The following NMUR1 variants were observed in gnomAD, a reference collection of about 807,000 sequenced individuals.
NMUR1 encodes the protein neuromedin U receptor 1.
A neutral mutation model predicts 18.8 loss-of-function variants in NMUR1; 16 were observed. The observed-to-expected ratio is 0.85, with a 90% CI of 0.58 to 1.29. NMUR1 has a LOEUF of 1.29. Among genes scored for constraint, NMUR1 ranks in the 50% most tolerant of loss-of-function variants. NMUR1 has a pLI of 0.00. For missense variants in NMUR1, 529 were observed against 580.3 expected, an observed-to-expected ratio of 0.91 and a Z score of 0.91; for synonymous variants, 258 against 258.2, an observed-to-expected ratio of 1.00 and a Z score of 0.01.
chr2:231,521,791 T>A (rs1259201246), downstream of NMUR1, among the ~76,000 whole-genome samples: 1 of 152,208 alleles, frequency 6.6e-6, no homozygotes, highest in African/African-American at 2.4e-5. Flanking sequence ...AGCCCCAGCA[T>A]GACCGGTGTT....
At chr2:231,522,545 C>G (rs1277973765), downstream of NMUR1, among the ~76,000 whole-genome samples, 1 of 151,932 alleles carries the variant, frequency 6.6e-6, no homozygotes, top group Non-Finnish European at 1.5e-5. Flanking sequence ...CGGCTCTGCA[C>G]AGCTTTTCAC....
In NMUR1 at chr2:231,528,678, G is replaced by A. The variant is rs751298724; in HGVS notation, c.343C>T (p.Pro115Ser). 10 of 1,614,260 alleles carry A rather than the reference G, an allele frequency of 6.2e-6. No individual in the cohort carries two copies. The highest frequency in any genetic ancestry group is 7.6e-6 in the Non-Finnish European group (9 of 1,180,048). Residue 115 changes from proline to serine, a missense_variant, in exon 2 of 3, where the codon CCC (proline) becomes TCC (serine). Pro to Ser is a moderately conservative substitution (Grantham distance 74). Coordinates refer to ENST00000305141, the MANE Select transcript of NMUR1 (RefSeq NM_006056.5). ...SDLLVLLVGL[P>S]LELYEMWHNY... ...TGCCACATCTCATAGAGCTCCAGGG[G>A]CAGGCCCACCAGCAGCACCAGCAGG...
At chr2:231,518,874 C>T (rs542876451), downstream of NMUR1, among the ~76,000 whole-genome samples, 1 of 152,314 alleles carries the variant, frequency 6.6e-6, no homozygotes, top group East Asian at 1.9e-4. Flanking sequence ...AGGCTCTCCA[C>T]CTCCTCCCCT....
At position 231,525,258 on chromosome 2, in the gene NMUR1, A is replaced by G. The variant is rs748004750; in HGVS notation, c.1066T>C (p.Tyr356His). 7.4e-6 allele frequency: 12 copies of G among 1,614,172 alleles called. No individual in the cohort carries two copies. Among genetic ancestry groups the G allele is most frequent in the Non-Finnish European group, 9.3e-6 (11 of 1,180,032 alleles). Reference protein sequence around the residue: ...YLGSAANPVLYSLMSSRFRET... With the variant: ...YLGSAANPVLHSLMSSRFRET... ...CGGAAGCGGCTGGACATGAGGCTAT[A>G]GAGCACGGGGTTGGCCGCCGAGCCC... Residue 356 changes from tyrosine (Y) to histidine (H), a missense_variant, in exon 3 of 3, where the codon TAT becomes CAT. Coordinates refer to ENST00000305141, the MANE Select transcript of NMUR1 (RefSeq NM_006056.5).
At chr2:231,522,701 A>G (rs114547322), downstream of NMUR1, among the ~76,000 whole-genome samples, 3,677 of 128,044 alleles carry the variant, frequency 0.029, 59 homozygotes, top group Middle Eastern at 0.043. Flanking sequence ...AGGGCCCCCC[A>G]CTGAGGAAAC....
In NMUR1 at chr2:231,525,323, A is replaced by G. The variant is rs776822579; in HGVS notation, c.1001T>C (p.Phe334Ser). ...GCCGGAGATGACGTGCACGTGCTGGAAGGCCAGGTGCAGGCCATCTGTCCA... is the reference window on the plus strand; with the variant it reads ...GCCGGAGATGACGTGCACGTGCTGGGAGGCCAGGTGCAGGCCATCTGTCCA... ...SQWTDGLHLA[F>S]QHVHVISGIF... is the part of the protein sequence containing the mutation. The change falls in exon 3 of 3, where the codon TTC becomes TCC. Residue 334 changes from phenylalanine to serine, a missense_variant. Coordinates refer to ENST00000305141, the MANE Select transcript of NMUR1 (RefSeq NM_006056.5). The G allele has an allele frequency of 6.2e-7, 1 of 1,614,110 alleles. No homozygotes were observed. The highest frequency in any genetic ancestry group is 8.5e-7 in the Non-Finnish European group (1 of 1,180,014).
Position 231,524,840 on chromosome 2 carries a change from G to A in NMUR1, c.*203C>T. ...GGACAGATAAGAAGCACAAGGTGTG[G>A]CGTCTGGTCAGTGTGAGTCCTCAGC... On this transcript the variant is annotated 3_prime_UTR_variant, in exon 3 of 3. Transcript: ENST00000305141. 1 of 551,960 alleles carries A rather than the reference G, an allele frequency of 1.8e-6. No homozygotes were observed. The highest frequency in any genetic ancestry group is 3.1e-6 in the Non-Finnish European group (1 of 327,614). The allele number at this position is 551,960 out of a possible 1,614,324, so 34.2% of individuals were successfully genotyped here.
chr2:231,528,051 TCCCAGGC>T (rs2125667193), intron 2 of NMUR1, 65 bp downstream of exon 2: 3 of 1,476,304 alleles, frequency 2.0e-6, no homozygotes. Flanking sequence ...CAGCCCCTTC[TCCCAGGC>T]CCCAGGAGCC....
rs1424818290 is a variant in NMUR1 at position 231,523,644 on chromosome 2, C to T, written c.*1399G>A. 6.3e-6 allele frequency: 1 copy of T among 158,532 alleles called. No individual in the cohort carries two copies. Among genetic ancestry groups the T allele is most frequent in the Non-Finnish European group, 1.4e-5 (1 of 72,260 alleles). The allele number at this position is 158,532 out of a possible 1,614,324, so 9.8% of individuals were successfully genotyped here. On this transcript the variant is annotated 3_prime_UTR_variant, in exon 3 of 3. Coordinates refer to ENST00000305141, the MANE Select transcript of NMUR1 (RefSeq NM_006056.5). ...TGCAGGGAGAACCCAGACAGACCGA[C>T]CGAAGGTCATCCTCCAGCTCCCAGC...
intron 2 of NMUR1, among the ~76,000 whole-genome samples, chr2:231,527,726 C>T (rs2047370331): frequency 6.6e-6 from 1 of 151,748 alleles, no homozygotes; most frequent in African/African-American, 2.4e-5. Context: ...AGCCCAACCA[C>T]ATGCCCTGCC....
Position 231,525,080 on chromosome 2 carries a change from T to C in NMUR1, c.1244A>G (p.Asp415Gly). ...GGTCTCTTGCTGCGCCTCTGGGCCA[T>C]CGTTCCCAGCCAGGGGGTGGACCCA... ...GSWVHPLAGN[D>G]GPEAQQETDP... is the part of the protein sequence containing the mutation. The change falls in exon 3 of 3, where the codon GAT becomes GGT. Residue 415 changes from aspartate (D) to glycine (G), a missense_variant. Coordinates refer to ENST00000305141, the MANE Select transcript of NMUR1 (RefSeq NM_006056.5). 1 of 1,601,768 alleles carries C rather than the reference T, an allele frequency of 6.2e-7. No homozygotes were observed. Among genetic ancestry groups the C allele is most frequent in the South Asian group, 1.1e-5 (1 of 89,152 alleles).
At chr2:231,526,751 C>T (rs2047359888) in intron 2 of NMUR1, among the ~76,000 whole-genome samples, 2 of 152,158 alleles carry the variant, frequency 1.3e-5, no homozygotes, top group Non-Finnish European at 2.9e-5. Flanking sequence ...TGACCTGGCT[C>T]ACCCCACTGG....
downstream of NMUR1, among the ~76,000 whole-genome samples, chr2:231,522,172 C>A (rs190727742): frequency 2.6e-5 from 4 of 151,716 alleles, no homozygotes; most frequent in African/African-American, 9.7e-5. Context: ...ATTGTAGAGA[C>A]GGGGGTTTCA....
rs2047331575 is a variant in NMUR1, at chr2:231,524,227, C to T, written c.*816G>A. On this transcript the variant is annotated 3_prime_UTR_variant, in exon 3 of 3. Transcript: ENST00000305141. ...CACTGTGGAAAGCCAGCGCCTCTTT[C>T]ATTTTTCAGGCAAGGAACCAAGGCC... is the stretch of plus-strand genomic sequence containing the variant. The T allele has an allele frequency of 6.6e-6, 1 of 152,290 alleles. No homozygotes were observed. Among genetic ancestry groups the T allele is most frequent in the Non-Finnish European group, 1.5e-5 (1 of 68,070 alleles). 9.4% of individuals were successfully genotyped at this position (152,290 alleles called of 1,614,324 possible).
chr2:231,528,891 C>A lies in NMUR1; in HGVS notation c.130G>T (p.Asp44Tyr). 6.2e-7 allele frequency: 1 copy of A among 1,614,212 alleles called. No individual in the cohort carries two copies. ...HFDPEDLNLTDEALRLKYLGP... is the reference protein window; with the variant it reads ...HFDPEDLNLTYEALRLKYLGP... ...AGGTACTTGAGTCTCAGTGCCTCGTCAGTCAGGTTCAAGTCCTCAGGGTCA... is the reference window on the plus strand; with the variant it reads ...AGGTACTTGAGTCTCAGTGCCTCGTAAGTCAGGTTCAAGTCCTCAGGGTCA... The change falls in exon 2 of 3, where the codon GAC (aspartate) becomes TAC (tyrosine). Residue 44 changes from aspartate (D) to tyrosine (Y), a missense_variant. Physicochemically the swap from Asp to Tyr is radical, Grantham distance 160. Transcript: ENST00000305141.
At chr2:231,525,480 T>C in intron 2 of NMUR1, 55 bp from the exon 3 acceptor site, 1 of 1,543,656 alleles carries the variant, frequency 6.5e-7, no homozygotes, top group Non-Finnish European at 8.7e-7. Flanking sequence ...TCAGCTGCCT[T>C]CCCGGGCTTC....
chr2:231,520,917 C>G (rs1172686040), downstream of NMUR1, among the ~76,000 whole-genome samples: 1 of 152,160 alleles, frequency 6.6e-6, no homozygotes, highest in Non-Finnish European at 1.5e-5. Context: ...GGAAATTAAG[C>G]CTTTTTCTGA....
downstream of NMUR1, among the ~76,000 whole-genome samples, chr2:231,522,633 C>G (rs1179278635): frequency 6.6e-6 from 1 of 150,858 alleles, no homozygotes; most frequent in East Asian, 2.0e-4. Flanking sequence ...CCAAGGCCCA[C>G]TTCTTAGGAG....
rs768168783 is a variant in NMUR1 at position 231,528,124 on chromosome 2, C to G, written c.897G>C (p.Leu299=). The part of the protein sequence containing the change: ...DRGRRQVTKM[L]FVLVVVFGIC... The stretch of plus-strand genomic sequence containing the variant: ...CCTCTTCCCAGCCGTGACACTTACA[C>G]AGCATCTTGGTCACTTGTCTCCGGC... The change falls in exon 2 of 3, where the codon CTG becomes CTC. Residue 299 remains leucine (L), a splice_region_variant and synonymous_variant. Coordinates refer to ENST00000305141, the MANE Select transcript of NMUR1 (RefSeq NM_006056.5). 1.2e-5 allele frequency: 19 copies of G among 1,542,934 alleles called. No homozygotes were observed. The highest frequency in any genetic ancestry group is 5.8e-5 in the Admixed American group (3 of 51,892).
Sources: gnomAD v4.1 joint callset for allele counts (sites outside exome capture counted in the v4.1 genomes callset) on GRCh38, gnomAD v4.1.1 for gene constraint, MANE v1.5 for transcripts, NCBI Gene and HGNC (gene_info 2026-07-23, HGNC 2026-07-21) for gene names.